GRIN3A: variants seen among roughly 807,000 people sequenced by gnomAD.
GRIN3A encodes the protein glutamate receptor ionotropic, NMDA 3A.
Under a neutral mutation model 92.4 loss-of-function variants are expected in GRIN3A, and 47 were observed. The observed-to-expected ratio is 0.51, with a 90% CI of 0.40 to 0.65. GRIN3A has a LOEUF of 0.65. Among genes scored for constraint, GRIN3A ranks in the 30% least tolerant of loss-of-function variants. GRIN3A has a pLI of 0.00. For missense variants in GRIN3A, 1,324 were observed against 1,393.1 expected (o/e 0.95, Z 0.79); for synonymous variants, 527 against 540.6 (o/e 0.97, Z 0.35).
At chr9:101,682,737 C>T (rs1829473937) in intron 2 of GRIN3A, among the ~76,000 whole-genome samples, 1 of 152,196 alleles carries the variant, frequency 6.6e-6, no homozygotes, top group African/African-American at 2.4e-5. Flanking sequence ...AATCCCAGCA[C>T]TTCGGGAGGC....
chr9:101,670,606 A>T lies in GRIN3A; in HGVS notation c.1806T>A (p.Asp602Glu). 1 of 1,614,002 alleles carries T rather than the reference A, an allele frequency of 6.2e-7. No homozygotes were observed. The highest frequency in any genetic ancestry group is 8.5e-7 in the Non-Finnish European group (1 of 1,179,954). ...NFDFDLYIVG[D>E]GKYGAWKNGH... ...CATTTTTCCATGCTCCATACTTTCCATCCCCTACAATATAGAGGTCGAAGT... is the reference window on the plus strand; with the variant it reads ...CATTTTTCCATGCTCCATACTTTCCTTCCCCTACAATATAGAGGTCGAAGT... Residue 602 changes from aspartate (D) to glutamate (E), a missense_variant, in exon 3 of 9, where the codon GAT becomes GAA. Physicochemically the swap from Asp to Glu is conservative, Grantham distance 45. Transcript: ENST00000361820.
chr9:101,644,504 T>C (rs562162644), intron 3 of GRIN3A, among the ~76,000 whole-genome samples: 16 of 150,222 alleles, frequency 1.1e-4, no homozygotes, highest in Non-Finnish European at 2.2e-4. Flanking sequence ...TAGATATGTA[T>C]GTGGTAAAGG....
At chr9:101,628,827 G>A (rs1385220845) in intron 3 of GRIN3A, among the ~76,000 whole-genome samples, 6 of 152,250 alleles carry the variant, frequency 3.9e-5, no homozygotes, top group African/African-American at 1.2e-4. Context: ...ATAAACCTGC[G>A]CTAATGCTGT....
At chr9:101,720,598 G>A (rs376681286) in intron 1 of GRIN3A, among the ~76,000 whole-genome samples, 2 of 152,076 alleles carry the variant, frequency 1.3e-5, no homozygotes, top group East Asian at 3.9e-4. Flanking sequence ...CCTGGCCAGA[G>A]GTCTTAACAA....
intron 1 of GRIN3A, among the ~76,000 whole-genome samples, chr9:101,721,125 G>A (rs1358097525): frequency 6.6e-6 from 1 of 152,188 alleles, no homozygotes; most frequent in Non-Finnish European, 1.5e-5. Context: ...AATTGTATCT[G>A]CCTGGATTCC....
At chr9:101,648,788 A>G (rs1371283723) in intron 3 of GRIN3A, among the ~76,000 whole-genome samples, 1 of 152,032 alleles carries the variant, frequency 6.6e-6, no homozygotes, top group Non-Finnish European at 1.5e-5. Flanking sequence ...CAATCCTTGA[A>G]TCTTTACTTC....
chr9:101,604,529 G>A (rs1339950048), intron 6 of GRIN3A, among the ~76,000 whole-genome samples: 1 of 152,196 alleles, frequency 6.6e-6, no homozygotes, highest in Non-Finnish European at 1.5e-5. Context: ...CTGTCAAGGT[G>A]GCTCTTGATA....
intron 8 of GRIN3A, among the ~76,000 whole-genome samples, chr9:101,574,097 G>A (rs987611081): frequency 6.6e-6 from 1 of 152,020 alleles, no homozygotes; most frequent in African/African-American, 2.4e-5. Context: ...AGTTGAGAAT[G>A]ACAGGTCAGG....
At chr9:101,697,133 C>A (rs1465968888) in intron 1 of GRIN3A, among the ~76,000 whole-genome samples, 2 of 152,150 alleles carry the variant, frequency 1.3e-5, no homozygotes, top group African/African-American at 4.8e-5. Context: ...CATTGACGAG[C>A]TTAACACTAG....
intron 1 of GRIN3A, among the ~76,000 whole-genome samples, chr9:101,707,749 G>C (rs1829830057): frequency 6.6e-6 from 1 of 152,146 alleles, no homozygotes; most frequent in Non-Finnish European, 1.5e-5. Context: ...AGCAACCACA[G>C]TTAAGGAATT....
chr9:101,701,745 C>CA (rs1040268199), intron 1 of GRIN3A, among the ~76,000 whole-genome samples: 2 of 152,166 alleles, frequency 1.3e-5, no homozygotes, highest in African/African-American at 4.8e-5. Flanking sequence ...AAGAAACTAT[C>CA]AACAGAGTAA....
intron 1 of GRIN3A, among the ~76,000 whole-genome samples, chr9:101,712,826 A>G (rs1210586755): frequency 1.3e-5 from 2 of 152,216 alleles, no homozygotes; most frequent in Non-Finnish European, 2.9e-5. Context: ...TATTATGGAC[A>G]AGGCAATTCT....
intron 6 of GRIN3A, among the ~76,000 whole-genome samples, chr9:101,611,581 C>G (rs1425641891): frequency 2.0e-5 from 3 of 152,196 alleles, no homozygotes; most frequent in Admixed American, 1.3e-4. Context: ...AATGTTTTCT[C>G]AGGTATGCTG....
intron 3 of GRIN3A, among the ~76,000 whole-genome samples, chr9:101,640,361 A>G (rs1828839639): frequency 6.6e-6 from 1 of 152,228 alleles, no homozygotes. Context: ...TAAAAAAGAC[A>G]CTTTCCTTCT....
At chr9:101,624,588 T>C (rs1306979478) in intron 4 of GRIN3A, among the ~76,000 whole-genome samples, 1 of 152,138 alleles carries the variant, frequency 6.6e-6, no homozygotes, top group African/African-American at 2.4e-5. Context: ...TATTCCATGG[T>C]GTATATGTGC....
rs533703112 is a variant in GRIN3A, at chr9:101,731,095, A to G, written c.699+6186T>C. Among the ~76,000 whole-genome samples the G allele has an allele frequency of 1.1e-3, 174 of 152,294 alleles. 2 individuals carry two copies. The highest frequency in any genetic ancestry group is 2.0e-3 in the Non-Finnish European group (138 of 68,014). On this transcript the variant is annotated intron_variant, in intron 1 of 8. Transcript: ENST00000361820. ...TTGTACTCCGTTAAAAAATGATTCAATTAATTACATTTCCATCATTTTGAA... is the reference window on the plus strand; with the variant it reads ...TTGTACTCCGTTAAAAAATGATTCAGTTAATTACATTTCCATCATTTTGAA...
At chr9:101,725,560 A>G (rs970312813) in intron 1 of GRIN3A, among the ~76,000 whole-genome samples, 3 of 152,220 alleles carry the variant, frequency 2.0e-5, no homozygotes, top group African/African-American at 7.2e-5. Context: ...TATAACCACA[A>G]TTTCAAGTTA....
At chr9:101,737,219 C>T (rs1039408349) in intron 1 of GRIN3A, 62 bp downstream of exon 1, 1 of 1,387,490 alleles carries the variant, frequency 7.2e-7, no homozygotes, top group Non-Finnish European at 1.0e-6. Context: ...TCTCTCCCCT[C>T]ATGCAATGGC....
chr9:101,672,404 A>G (rs1468923241), intron 2 of GRIN3A, among the ~76,000 whole-genome samples: 2 of 152,170 alleles, frequency 1.3e-5, no homozygotes, highest in African/African-American at 2.4e-5. Flanking sequence ...CAATTTTAAA[A>G]GTGGGAAACA....
Sources: allele counts gnomAD v4.1 joint callset (sites outside exome capture counted in the v4.1 genomes callset), GRCh38; gene constraint gnomAD v4.1.1; transcripts MANE v1.5; gene names NCBI Gene and HGNC (gene_info 2026-07-23, HGNC 2026-07-21).